The following NCAM2 variants were observed in gnomAD, a reference collection of about 807,000 sequenced individuals.
NCAM2 encodes N-CAM-2.
Under a neutral mutation model 98.1 loss-of-function variants are expected in NCAM2, and 30 were observed. That is an observed-to-expected ratio of 0.31 (90% CI 0.23 to 0.41). The LOEUF (loss-of-function observed/expected upper bound fraction) is 0.41. Ranked by LOEUF, NCAM2 falls within the 10% of genes least tolerant of loss-of-function variation. The probability of loss-of-function intolerance (pLI) is 1.00; values close to 1 mark genes in which losing one functional copy is unlikely to be tolerated. For missense variants in NCAM2, 867 were observed against 1,005.8 expected, an observed-to-expected ratio of 0.86 and a Z score of 1.87; for synonymous variants, 368 against 342.4, an observed-to-expected ratio of 1.07 and a Z score of -0.83.
At chr21:21,183,266 T>G (rs2068536637) in intron 1 of NCAM2, among the ~76,000 whole-genome samples, 1 of 152,150 alleles carries the variant, frequency 6.6e-6, no homozygotes, top group South Asian at 2.1e-4. Flanking sequence ...GTCACATAAC[T>G]GATACATTAT....
chr21:21,315,360 A>G (rs779838610), intron 5 of NCAM2, among the ~76,000 whole-genome samples: 2 of 152,142 alleles, frequency 1.3e-5, no homozygotes, highest in African/African-American at 4.8e-5. Context: ...TTCCTACTCT[A>G]TGATCTCTGA....
intron 17 of NCAM2, among the ~76,000 whole-genome samples, chr21:21,535,667 A>G (rs532945580): frequency 6.6e-6 from 1 of 152,270 alleles, no homozygotes; most frequent in East Asian, 1.9e-4. Flanking sequence ...ATTACAATGT[A>G]AATTCAAATT....
chr21:21,310,690 A>G (rs1007972942), intron 5 of NCAM2, among the ~76,000 whole-genome samples: 3 of 152,208 alleles, frequency 2.0e-5, no homozygotes, highest in African/African-American at 7.2e-5. Context: ...TCAAGTTAAC[A>G]TACAGTAAAA....
intron 16 of NCAM2, among the ~76,000 whole-genome samples, chr21:21,517,328 A>T (rs987181478): frequency 6.6e-6 from 1 of 152,168 alleles, no homozygotes; most frequent in Non-Finnish European, 1.5e-5. Flanking sequence ...TAAATAAGCC[A>T]TTCTGAATAA....
At chr21:21,530,831 A>G (rs1280098335) in intron 16 of NCAM2, among the ~76,000 whole-genome samples, 1 of 152,012 alleles carries the variant, frequency 6.6e-6, no homozygotes, top group African/African-American at 2.4e-5. Context: ...TTGTAAATAT[A>G]CAGTAAGATA....
At chr21:21,447,875 A>G (rs1448350607) in intron 12 of NCAM2, among the ~76,000 whole-genome samples, 1 of 152,200 alleles carries the variant, frequency 6.6e-6, no homozygotes, top group Non-Finnish European at 1.5e-5. Flanking sequence ...AATGTTGATT[A>G]TTAAAAAGTC....
intron 1 of NCAM2, among the ~76,000 whole-genome samples, chr21:21,207,419 C>T (rs2069481095): frequency 6.6e-6 from 1 of 152,012 alleles, no homozygotes; most frequent in African/African-American, 2.4e-5. Context: ...CTTGAATACT[C>T]AATGGAAATT....
At chr21:21,031,993 G>A (rs2064694731) in intron 1 of NCAM2, among the ~76,000 whole-genome samples, 3 of 152,116 alleles carry the variant, frequency 2.0e-5, no homozygotes, top group Non-Finnish European at 2.9e-5. Context: ...GAACATTAAG[G>A]CACATGTGGC....
chr21:21,135,648 T>C (rs2067033648), intron 1 of NCAM2, among the ~76,000 whole-genome samples: 2 of 152,202 alleles, frequency 1.3e-5, no homozygotes, highest in Admixed American at 1.3e-4. Flanking sequence ...GGAATGCTTG[T>C]ACTCTCACTA....
chr21:21,197,295 A>G (rs1008323338), intron 1 of NCAM2, among the ~76,000 whole-genome samples: 1 of 152,038 alleles, frequency 6.6e-6, no homozygotes, highest in African/African-American at 2.4e-5. Flanking sequence ...ACGCCTGGCT[A>G]ACTTTGGTAT....
intron 1 of NCAM2, among the ~76,000 whole-genome samples, chr21:21,161,296 A>G (rs2067774803): frequency 2.0e-5 from 3 of 152,066 alleles, no homozygotes; most frequent in Admixed American, 1.3e-4. Flanking sequence ...AGTTAGAAAT[A>G]CAATGTCTGT....
At position 21,221,339 on chromosome 21, in the gene NCAM2, A is replaced by C. The variant is rs2070142899; in HGVS notation, c.56-59239A>C. Reference sequence around the variant, plus strand: ...TCAAACAGGTCTCTCAATTTAAAACAAAATACAGAAGTGATTCTCACCCAA... The same window carrying C: ...TCAAACAGGTCTCTCAATTTAAAACCAAATACAGAAGTGATTCTCACCCAA... On this transcript the variant is annotated intron_variant, in intron 1 of 17. Transcript: ENST00000400546. 3.4e-5 allele frequency among the ~76,000 whole-genome samples: 5 copies of C among 145,730 alleles called. 1 individual carries two copies. In the South Asian group the frequency reaches 1.1e-3, roughly 33 times the overall value.
intron 10 of NCAM2, among the ~76,000 whole-genome samples, chr21:21,415,045 T>G (rs2145938840): frequency 6.6e-6 from 1 of 152,182 alleles, no homozygotes; most frequent in South Asian, 2.1e-4. Context: ...CAGGCTTAGT[T>G]TTCCCATGGA....
intron 11 of NCAM2, among the ~76,000 whole-genome samples, chr21:21,420,142 T>C (rs566370981): frequency 4.6e-5 from 7 of 152,252 alleles, no homozygotes; most frequent in African/African-American, 1.7e-4. Context: ...TTTTAAACTT[T>C]TAGACTTGAA....
chr21:20,998,546 C>T lies in NCAM2; in HGVS notation c.-18C>T. ...ACTTAATAACTTTGAAACTGTCCAC[C>T]GGTGTCACGTCCTGAACATGAGCCT... On this transcript the variant is annotated 5_prime_UTR_variant, in exon 1 of 18. Coordinates refer to ENST00000400546, the MANE Select transcript of NCAM2 (RefSeq NM_004540.5). 1.2e-6 allele frequency: 2 copies of T among 1,613,248 alleles called. No homozygotes were observed. Among genetic ancestry groups the T allele is most frequent in the East Asian group, 2.2e-5 (1 of 44,844 alleles).
At chr21:21,230,495 G>T (rs937365263) in intron 1 of NCAM2, among the ~76,000 whole-genome samples, 1 of 151,154 alleles carries the variant, frequency 6.6e-6, no homozygotes, top group African/African-American at 2.4e-5. Context: ...ACTCTTTTTC[G>T]ATCACCATAT....
At chr21:21,534,947 T>C (rs1023015969) in intron 17 of NCAM2, among the ~76,000 whole-genome samples, 3 of 152,110 alleles carry the variant, frequency 2.0e-5, no homozygotes, top group Non-Finnish European at 4.4e-5. Flanking sequence ...AACAATAGTC[T>C]GTCTTTTTAA....
At chr21:21,348,302 TTA>T (rs1287235803) in intron 8 of NCAM2, among the ~76,000 whole-genome samples, 2 of 152,104 alleles carry the variant, frequency 1.3e-5, no homozygotes, top group Non-Finnish European at 2.9e-5. Context: ...AGTAGCATTT[TTA>T]TATGTCAGCA....
chr21:21,528,143 T>C (rs1418667884), intron 16 of NCAM2, among the ~76,000 whole-genome samples: 1 of 152,170 alleles, frequency 6.6e-6, no homozygotes, highest in Non-Finnish European at 1.5e-5. Context: ...ATAGTTTTGC[T>C]TTGAGAAAAG....
Sources: allele counts gnomAD v4.1 joint callset (sites outside exome capture counted in the v4.1 genomes callset), GRCh38; gene constraint gnomAD v4.1.1; transcripts MANE v1.5; gene names NCBI Gene and HGNC (gene_info 2026-07-23, HGNC 2026-07-21).